PMEPA1: variants seen among roughly 807,000 people sequenced by gnomAD.
PMEPA1 encodes the protein protein TMEPAI.
A neutral mutation model predicts 23.0 loss-of-function variants in PMEPA1; 11 were observed. The observed-to-expected ratio is 0.48, with a 90% CI of 0.30 to 0.79. The LOEUF is 0.79. Ranked by LOEUF, PMEPA1 falls within the 30% of genes least tolerant of loss-of-function variation. The probability of loss-of-function intolerance (pLI) is 0.06; values close to 1 mark genes in which losing one functional copy is unlikely to be tolerated. For missense variants in PMEPA1, 377 were observed against 390.9 expected (o/e 0.96, Z 0.30); for synonymous variants, 204 against 166.4 (o/e 1.23, Z -1.74).
At chr20:57,662,129 AC>A (rs978043385) in intron 1 of PMEPA1, among the ~76,000 whole-genome samples, 169 of 152,282 alleles carry the variant, frequency 1.1e-3, no homozygotes, top group African/African-American at 3.9e-3. Flanking sequence ...CCACGTCTGC[AC>A]CCAGGGAACA....
At chr20:57,698,883 A>C (rs2071975957) in intron 1 of PMEPA1, among the ~76,000 whole-genome samples, 1 of 152,206 alleles carries the variant, frequency 6.6e-6, no homozygotes, top group Non-Finnish European at 1.5e-5. Flanking sequence ...TAAATGTAGC[A>C]GCCATAAGAG....
chr20:57,663,810 G>A (rs1041032983), intron 1 of PMEPA1, among the ~76,000 whole-genome samples: 1 of 152,194 alleles, frequency 6.6e-6, no homozygotes, highest in Non-Finnish European at 1.5e-5. Context: ...GCCAGCAGCC[G>A]GGTCACCCCC....
Position 57,652,932 on chromosome 20 carries a change from G to C in PMEPA1, c.318+101C>G. The C allele has an allele frequency of 1.0e-6, 1 of 980,830 alleles. No individual in the cohort carries two copies. The allele number at this position is 980,830 out of a possible 1,614,324, so 60.8% of individuals were successfully genotyped here. A position where few individuals can be genotyped will look rare whatever the true frequency, so the allele number is the denominator to read the frequency against. On this transcript the variant is annotated intron_variant, in intron 3 of 3. Transcript: ENST00000341744. The surrounding 1 kb of genome is among the most constrained non-coding windows in gnomAD (Gnocchi z 6.1). ...AGCAGCAAGGGCACTGCAGAGGAGG[G>C]CGGAGGGGTGAGCCTTTAGCAGCCC... is the stretch of plus-strand genomic sequence containing the variant.
Position 57,707,858 on chromosome 20 carries a change from G to A in PMEPA1, c.109+1616C>T, listed in dbSNP as rs2072109832. Among the ~76,000 whole-genome samples, 3 of 152,156 alleles carry A rather than the reference G, an allele frequency of 2.0e-5. No homozygotes were observed. The South Asian group carries it at 6.2e-4, about 32-fold the overall frequency. On this transcript the variant is annotated intron_variant, in intron 1 of 3. Coordinates refer to ENST00000341744, the MANE Select transcript of PMEPA1 (RefSeq NM_020182.5). ...AAGGCAAGACTCTCCAAACGTGTGC[G>A]AACGTATTTTAATAACATTCTCGTG...
intron 1 of PMEPA1, among the ~76,000 whole-genome samples, chr20:57,688,266 G>T (rs563832890): frequency 6.6e-6 from 1 of 152,334 alleles, no homozygotes; most frequent in East Asian, 1.9e-4. Flanking sequence ...AAGTTGGAGA[G>T]GGGGGTGTCT....
intron 1 of PMEPA1, chr20:57,700,168 A>G: frequency 4.2e-6 from 2 of 471,494 alleles, no homozygotes; most frequent in Non-Finnish European, 8.8e-6. Flanking sequence ...CGACTTGCAT[A>G]CTGGGAATCC....
At chr20:57,663,385 C>G (rs1388061616) in intron 1 of PMEPA1, among the ~76,000 whole-genome samples, 1 of 152,142 alleles carries the variant, frequency 6.6e-6, no homozygotes, top group Non-Finnish European at 1.5e-5. Flanking sequence ...GGGGCCCTCT[C>G]TGAGTCCATC....
intron 1 of PMEPA1, among the ~76,000 whole-genome samples, chr20:57,707,645 CTTT>C (rs10709084): frequency 2.2e-5 from 3 of 137,152 alleles, no homozygotes; most frequent in Non-Finnish European, 1.6e-5. Flanking sequence ...AAGAACAATG[CTTT>C]TTTTTTTTTT....
rs1484928535 is a variant in PMEPA1 at position 57,683,944 on chromosome 20, T to A, written c.110-24247A>T. Among the ~76,000 whole-genome samples, 2 of 152,150 alleles carry A rather than the reference T, an allele frequency of 1.3e-5. No homozygotes were observed. Among genetic ancestry groups the A allele is most frequent in the African/African-American group, 4.8e-5 (2 of 41,428 alleles). On this transcript the variant is annotated intron_variant, in intron 1 of 3. Transcript: ENST00000341744. The surrounding 1 kb of genome is among the most constrained non-coding windows in gnomAD (Gnocchi z 4.3). ...TGTTTTGGGGGTAGAAATAAAAAGATCTGGCCAAGAAACCTGGAGTGTTAT... is the reference window on the plus strand; with the variant it reads ...TGTTTTGGGGGTAGAAATAAAAAGAACTGGCCAAGAAACCTGGAGTGTTAT...
intron 1 of PMEPA1, among the ~76,000 whole-genome samples, chr20:57,699,327 T>C (rs953548135): frequency 6.6e-6 from 1 of 152,372 alleles, no homozygotes; most frequent in South Asian, 2.1e-4. Flanking sequence ...CTCGTGGCCA[T>C]TTATTGAGCA....
chr20:57,659,833 C>G, intron 1 of PMEPA1, 136 bp from the exon 2 acceptor site: 1 of 789,516 alleles, frequency 1.3e-6, no homozygotes, highest in Admixed American at 2.4e-5. Context: ...CCCCGCCACT[C>G]TCCCGGCAAG....
rs2071192997 is a variant in PMEPA1 at position 57,649,483 on chromosome 20, GC to G, written c.*2569del. 6.6e-6 allele frequency: 1 copy of G among 152,218 alleles called. No individual in the cohort carries two copies. The highest frequency in any genetic ancestry group is 2.4e-5 in the African/African-American group (1 of 41,436). The allele number at this position is 152,218 out of a possible 1,614,324, so 9.4% of individuals were successfully genotyped here. ...GGCTCTGTCCTCAAGCCGGCTGAGG[GC>G]AGCAACCACTCTCCTCCCCTTTCTC... On this transcript the variant is annotated 3_prime_UTR_variant, in exon 4 of 4. Transcript: ENST00000341744.
intron 1 of PMEPA1, among the ~76,000 whole-genome samples, chr20:57,689,619 C>G (rs970083308): frequency 3.9e-5 from 6 of 152,228 alleles, no homozygotes; most frequent in Non-Finnish European, 7.3e-5. Context: ...GGAGAGTCCT[C>G]ACAACTGTGC....
At chr20:57,710,712 C>T, upstream of PMEPA1, 1 of 460,130 alleles carries the variant, frequency 2.2e-6, no homozygotes, top group South Asian at 4.1e-5. Context: ...GGGCCTCCGG[C>T]TGGGGGGCGC....
At chr20:57,706,229 C>T (rs921099597) in intron 1 of PMEPA1, among the ~76,000 whole-genome samples, 7 of 152,132 alleles carry the variant, frequency 4.6e-5, no homozygotes, top group African/African-American at 1.7e-4. Flanking sequence ...CAGTCTTTCC[C>T]GAGAGCGAAC....
At chr20:57,662,708 C>T (rs1335631770) in intron 1 of PMEPA1, among the ~76,000 whole-genome samples, 1 of 152,058 alleles carries the variant, frequency 6.6e-6, no homozygotes. Context: ...ACACCCACGC[C>T]CCCCCACCCC....
chr20:57,660,319 C>T (rs1247816390), intron 1 of PMEPA1, among the ~76,000 whole-genome samples: 1 of 151,974 alleles, frequency 6.6e-6, no homozygotes, highest in Non-Finnish European at 1.5e-5. Context: ...GTCAACACAC[C>T]AACACTCCTA....
At chr20:57,663,512 G>A (rs1031371597) in intron 1 of PMEPA1, among the ~76,000 whole-genome samples, 2 of 152,188 alleles carry the variant, frequency 1.3e-5, no homozygotes, top group African/African-American at 4.8e-5. Context: ...CCAGACACGG[G>A]ATGCTCAATT....
At chr20:57,678,065 G>A (rs2071662358) in intron 1 of PMEPA1, among the ~76,000 whole-genome samples, 1 of 152,214 alleles carries the variant, frequency 6.6e-6, no homozygotes, top group Non-Finnish European at 1.5e-5. Context: ...TTAGAAAAGG[G>A]TAGAATGAGA....
Sources: gnomAD v4.1 joint callset for allele counts (sites outside exome capture counted in the v4.1 genomes callset) on GRCh38, gnomAD v4.1.1 for gene constraint, Gnocchi (gnomAD v3.1) non-coding constraint, MANE v1.5 for transcripts, NCBI Gene and HGNC (gene_info 2026-07-23, HGNC 2026-07-21) for gene names.